Variants in KANSL2 observed in about 807,000 individuals in gnomAD.
KANSL2 encodes NSL complex protein NSL2.
Under a neutral mutation model 55.6 loss-of-function variants are expected in KANSL2, and 34 were observed. The observed-to-expected ratio is 0.61, with a 90% confidence interval of 0.46 to 0.81. The LOEUF (loss-of-function observed/expected upper bound fraction) is 0.81. Among genes scored for constraint, KANSL2 ranks in the 40% least tolerant of loss-of-function variants. The pLI, the probability that KANSL2 is intolerant of heterozygous loss-of-function variation, is 0.00. For missense variants in KANSL2, 502 were observed against 609.9 expected (o/e 0.82, Z 1.86); for synonymous variants, 209 against 214.3 (o/e 0.98, Z 0.22).
intron 7 of KANSL2, among the ~76,000 whole-genome samples, chr12:48,663,246 G>C (rs930924394): frequency 7.2e-5 from 11 of 152,062 alleles, no homozygotes; most frequent in Admixed American, 4.6e-4. Flanking sequence ...ACCATATGAG[G>C]AAATATGAAT....
intron 5 of KANSL2, among the ~76,000 whole-genome samples, chr12:48,669,931 T>G (rs938988178): frequency 1.4e-4 from 22 of 152,114 alleles, no homozygotes; most frequent in Non-Finnish European, 3.2e-4. Context: ...CTGGACACAG[T>G]GGCTCACACC....
At chr12:48,678,302 T>C (rs1939861402) in intron 4 of KANSL2, among the ~76,000 whole-genome samples, 1 of 152,206 alleles carries the variant, frequency 6.6e-6, no homozygotes, top group Admixed American at 6.5e-5. Context: ...TTTTTATGCT[T>C]CTACAACTCC....
intron 7 of KANSL2, chr12:48,662,751 C>A: frequency 1.3e-6 from 1 of 746,236 alleles, no homozygotes. Context: ...CTTCTCTTTT[C>A]AAATACATTT....
chr12:48,657,158 G>A (rs1225343656), intron 8 of KANSL2, among the ~76,000 whole-genome samples: 2 of 152,216 alleles, frequency 1.3e-5, no homozygotes, highest in African/African-American at 2.4e-5. Flanking sequence ...CAAGGTGGGC[G>A]GATCATGAGG....
chr12:48,672,040 G>A (rs999625808), intron 4 of KANSL2, 78 bp from the exon 5 acceptor site: 1 of 1,248,764 alleles, frequency 8.0e-7, no homozygotes, highest in Non-Finnish European at 1.1e-6. Flanking sequence ...AGAGATGTCA[G>A]ACTAAGTTTG....
At chr12:48,679,195 G>T in intron 3 of KANSL2, 45 bp from the exon 4 acceptor site, 1 of 1,226,428 alleles carries the variant, frequency 8.2e-7, no homozygotes, top group Non-Finnish European at 1.2e-6. Context: ...TCCCACCTCT[G>T]TAACTCCACC....
chr12:48,655,203 C>T (rs1266191684), intron 8 of KANSL2, 143 bp from the exon 9 acceptor site: 10 of 692,462 alleles, frequency 1.4e-5, no homozygotes, highest in South Asian at 1.2e-4. Context: ...TTTACAAGAG[C>T]GTCCAACAAA....
intron 4 of KANSL2, among the ~76,000 whole-genome samples, chr12:48,674,802 T>C (rs934453799): frequency 1.6e-4 from 25 of 151,954 alleles, no homozygotes; most frequent in African/African-American, 4.8e-4. Context: ...GGCAAGCACC[T>C]ATAATCCCAG....
At chr12:48,677,652 G>A (rs989421115) in intron 4 of KANSL2, among the ~76,000 whole-genome samples, 59 of 151,674 alleles carry the variant, frequency 3.9e-4, no homozygotes, top group African/African-American at 1.4e-3. Flanking sequence ...GTGGTGGTGG[G>A]TGCCTATAAT....
At position 48,669,223 on chromosome 12, in the gene KANSL2, C is replaced by T. The variant is rs1320968544; in HGVS notation, c.759G>A (p.Glu253=). The T allele has an allele frequency of 3.2e-6, 5 of 1,570,890 alleles. No homozygotes were observed. ...GCAGACATTTTAATCGCTTTAAGTT[C>T]TCTCGTTCTTTGGCCAAAAGTCCCT... is the stretch of plus-strand genomic sequence containing the variant. ...GPEGLLAKER[E]NLKRLKCLRR... The change falls in exon 6 of 10, where the codon GAG becomes GAA. Residue 253 remains glutamate (E), a synonymous_variant. Transcript: ENST00000420613.
chr12:48,672,434 T>TATATATATA (rs71080136), intron 4 of KANSL2, among the ~76,000 whole-genome samples: 1 of 98,030 alleles, frequency 1.0e-5, no homozygotes, highest in African/African-American at 3.9e-5. Flanking sequence ...TATATATATA[T>TATATATATA]TTTTTTTTTG....
intron 9 of KANSL2, chr12:48,654,553 A>G (rs1168081448): frequency 3.3e-6 from 2 of 606,676 alleles, no homozygotes; most frequent in Middle Eastern, 2.8e-4. Flanking sequence ...ACAGAACTCA[A>G]ATCACATTAC....
intron 6 of KANSL2, 54 bp from the exon 7 acceptor site, chr12:48,667,843 T>TGG (rs1939631845): frequency 7.8e-7 from 1 of 1,274,196 alleles, no homozygotes; most frequent in African/African-American, 1.5e-5. Context: ...CACAAACAAT[T>TGG]ACGATGAAAA....
chr12:48,663,796 G>A (rs1269370114), intron 7 of KANSL2, among the ~76,000 whole-genome samples: 2 of 151,966 alleles, frequency 1.3e-5, no homozygotes, highest in African/African-American at 4.8e-5. Flanking sequence ...TAAATTTTGG[G>A]AGAATCAAAA....
In KANSL2 at chr12:48,653,977, G is replaced by C. The variant is rs1273489303; in HGVS notation, c.*67C>G. The C allele has an allele frequency of 1.2e-5, 18 of 1,454,148 alleles. No individual in the cohort carries two copies. The highest frequency in any genetic ancestry group is 1.7e-5 in the Non-Finnish European group (18 of 1,087,012). 90.1% of individuals were successfully genotyped at this position (1,454,148 alleles called of 1,614,324 possible). ...GGGTTGCCTGTGTTTTGTGAGAGATGATCAGAAATACTTCTTTGAAGAACG... is the reference window on the plus strand; with the variant it reads ...GGGTTGCCTGTGTTTTGTGAGAGATCATCAGAAATACTTCTTTGAAGAACG... On this transcript the variant is annotated 3_prime_UTR_variant, in exon 10 of 10. Coordinates refer to ENST00000420613, the MANE Select transcript of KANSL2 (RefSeq NM_017822.4).
Position 48,682,201 on chromosome 12 carries a change from T to TGCGCC in KANSL2, c.-29_-25dup, listed in dbSNP as rs1206576569. 7.5e-6 allele frequency: 5 copies of TGCGCC among 669,712 alleles called. No individual in the cohort carries two copies. Among genetic ancestry groups the TGCGCC allele is most frequent in the East Asian group, 2.7e-5 (1 of 36,872 alleles). 41.5% of individuals were successfully genotyped at this position (669,712 alleles called of 1,614,324 possible). On this transcript the variant is annotated 5_prime_UTR_variant, in exon 1 of 10. Coordinates refer to ENST00000420613, the MANE Select transcript of KANSL2 (RefSeq NM_017822.4). ...CGCCATCTTACCTCAGGAGCTGCGC[T>TGCGCC]GCGCCGCACTCTGCCGCGCCGCTCG...
chr12:48,681,809 G>T, intron 1 of KANSL2, 168 bp from the exon 2 acceptor site: 1 of 820,258 alleles, frequency 1.2e-6, no homozygotes, highest in Non-Finnish European at 2.0e-6. Context: ...CTGTGGCTTT[G>T]CCTCCCTTTA....
chr12:48,656,631 T>C (rs74089348), intron 8 of KANSL2: 1 of 353,442 alleles, frequency 2.8e-6, no homozygotes, highest in Admixed American at 3.8e-5. Flanking sequence ...AAAAAAAAAA[T>C]GACATTACAT....
intron 9 of KANSL2, chr12:48,654,378 T>C: frequency 1.3e-6 from 1 of 782,022 alleles, no homozygotes. Context: ...GATGGTGAGC[T>C]GTAGGTTGTT....
Sources: allele counts gnomAD v4.1 joint callset (sites outside exome capture counted in the v4.1 genomes callset), GRCh38; gene constraint gnomAD v4.1.1; transcripts MANE v1.5; gene names NCBI Gene and HGNC (gene_info 2026-07-23, HGNC 2026-07-21).